Variants in CACNA2D1 observed in about 807,000 individuals in gnomAD.
The protein encoded by CACNA2D1 is calcium voltage-gated channel auxiliary subunit alpha2delta 1.
CACNA2D1 carries 53 observed loss-of-function variants against 171.5 expected under a neutral mutation model. The ratio of observed to expected loss-of-function variants is 0.31; its 90% confidence interval spans 0.25 to 0.39. CACNA2D1 has a LOEUF of 0.39. CACNA2D1 is among the 10% of genes least tolerant of loss of function. The probability of loss-of-function intolerance (pLI) is 1.00; values close to 1 mark genes in which losing one functional copy is unlikely to be tolerated. For synonymous variants in CACNA2D1, 442 were observed against 443.1 expected, an observed-to-expected ratio of 1.00 and a Z score of 0.03; for missense variants, 903 against 1,299.8, an observed-to-expected ratio of 0.69 and a Z score of 4.69.
At chr7:82,003,654 TTCTG>T (rs987805861) in intron 18 of CACNA2D1, among the ~76,000 whole-genome samples, 68 of 150,764 alleles carry the variant, frequency 4.5e-4, no homozygotes, top group African/African-American at 1.6e-3. Context: ...GTACTTATTC[TTCTG>T]TCTATGATAT....
chr7:82,033,356 G>T (rs900354609), intron 11 of CACNA2D1, among the ~76,000 whole-genome samples: 2 of 152,062 alleles, frequency 1.3e-5, no homozygotes, highest in South Asian at 2.1e-4. Flanking sequence ...ATAGAAGACT[G>T]CCTAGCACAT....
intron 38 of CACNA2D1, among the ~76,000 whole-genome samples, chr7:81,955,402 AT>A (rs1793115968): frequency 6.6e-6 from 1 of 152,046 alleles, no homozygotes; most frequent in African/African-American, 2.4e-5. Flanking sequence ...TTTTGTAATG[AT>A]TTTTTTCAAC....
intron 3 of CACNA2D1, among the ~76,000 whole-genome samples, chr7:82,298,335 T>C (rs1812558156): frequency 6.6e-6 from 1 of 152,188 alleles, no homozygotes; most frequent in South Asian, 2.1e-4. Context: ...CAGAGTGGCA[T>C]TATGAAGTCA....
At position 82,135,458 on chromosome 7, in the gene CACNA2D1, G is replaced by A. The variant is rs57340255; in HGVS notation, c.396+1177C>T. ...ACAAGAGGAAAGATGTCATGGGAAC[G>A]CCACCTATGTCTAGAGGAAAAAAAA... On this transcript the variant is annotated intron_variant, in intron 5 of 38. Coordinates refer to ENST00000356860, the MANE Select transcript of CACNA2D1 (RefSeq NM_000722.4). Among the ~76,000 whole-genome samples the A allele has an allele frequency of 9.9e-3, 1,500 of 151,912 alleles. 25 individuals carry two copies. The highest frequency in any genetic ancestry group is 0.034 in the African/African-American group (1,404 of 41,448).
intron 5 of CACNA2D1, among the ~76,000 whole-genome samples, chr7:82,122,523 G>A (rs1380520301): frequency 1.3e-5 from 2 of 152,202 alleles, no homozygotes. Flanking sequence ...AGTTGAGTAT[G>A]ATGGAAAAGA....
intron 5 of CACNA2D1, among the ~76,000 whole-genome samples, chr7:82,120,776 G>A (rs1789639724): frequency 6.6e-6 from 1 of 151,066 alleles, no homozygotes; most frequent in Non-Finnish European, 1.5e-5. Flanking sequence ...TCGGGAGGCT[G>A]AGGCAGGAGA....
chr7:82,259,514 T>C (rs1563271499), intron 3 of CACNA2D1, among the ~76,000 whole-genome samples: 1 of 152,198 alleles, frequency 6.6e-6, no homozygotes, highest in Non-Finnish European at 1.5e-5. Flanking sequence ...CACATTTGAG[T>C]TATTAGGGCT....
At chr7:82,153,587 T>A (rs59707600) in intron 4 of CACNA2D1, among the ~76,000 whole-genome samples, 10,945 of 152,094 alleles carry the variant, frequency 0.072, 399 homozygotes, top group Middle Eastern at 0.14. Flanking sequence ...AATCTCTAAC[T>A]ATATAATATA....
intron 3 of CACNA2D1, among the ~76,000 whole-genome samples, chr7:82,260,072 A>G (rs1009827242): frequency 1.3e-5 from 2 of 151,974 alleles, no homozygotes; most frequent in African/African-American, 4.8e-5. Context: ...AAATACACAA[A>G]TTAGCTTTGC....
At chr7:82,161,429 T>G (rs1455474476) in intron 4 of CACNA2D1, among the ~76,000 whole-genome samples, 1 of 152,030 alleles carries the variant, frequency 6.6e-6, no homozygotes, top group Non-Finnish European at 1.5e-5. Flanking sequence ...ATTAATAATC[T>G]CAAGATTATG....
chr7:82,037,235 T>C (rs1056018620), intron 11 of CACNA2D1, among the ~76,000 whole-genome samples: 2 of 152,142 alleles, frequency 1.3e-5, no homozygotes, highest in Admixed American at 6.5e-5. Context: ...TCCCAGCACA[T>C]TGGGAGGCCA....
chr7:81,980,696 A>G (rs1446877339), intron 24 of CACNA2D1, among the ~76,000 whole-genome samples: 1 of 152,154 alleles, frequency 6.6e-6, no homozygotes, highest in Non-Finnish European at 1.5e-5. Flanking sequence ...AGGCAAATGT[A>G]GTAGTTTAGG....
intron 10 of CACNA2D1, chr7:82,050,227 A>C (rs1356685655): frequency 4.5e-6 from 1 of 221,790 alleles, no homozygotes; most frequent in Non-Finnish European, 9.0e-6. Context: ...AGTTGGTGTT[A>C]AACAATCAAG....
intron 4 of CACNA2D1, among the ~76,000 whole-genome samples, chr7:82,142,281 C>A (rs147840907): frequency 6.6e-6 from 1 of 152,206 alleles, no homozygotes; most frequent in African/African-American, 2.4e-5. Flanking sequence ...TAATATAATA[C>A]TGCTGCTTAC....
chr7:82,122,475 C>A (rs1208006147), intron 5 of CACNA2D1, among the ~76,000 whole-genome samples: 1 of 152,052 alleles, frequency 6.6e-6, no homozygotes, highest in Non-Finnish European at 1.5e-5. Context: ...ATCACAAGAC[C>A]TAGCAGGGAG....
At chr7:82,315,244 T>A (rs1393888791) in intron 3 of CACNA2D1, among the ~76,000 whole-genome samples, 2 of 152,076 alleles carry the variant, frequency 1.3e-5, no homozygotes, top group African/African-American at 4.8e-5. Flanking sequence ...AGTGTAGAGA[T>A]ACAGTGCATC....
At chr7:81,991,082 G>C in intron 21 of CACNA2D1, 103 bp downstream of exon 21, 1 of 686,878 alleles carries the variant, frequency 1.5e-6, no homozygotes, top group South Asian at 1.7e-5. Flanking sequence ...TTTTCATGTT[G>C]GGAACTTTTC....
intron 4 of CACNA2D1, among the ~76,000 whole-genome samples, chr7:82,149,531 G>C (rs1793542228): frequency 6.6e-6 from 1 of 152,014 alleles, no homozygotes; most frequent in Non-Finnish European, 1.5e-5. Context: ...GGCTCAGGTA[G>C]TATCCACCCA....
intron 3 of CACNA2D1, among the ~76,000 whole-genome samples, chr7:82,200,528 G>A (rs570989165): frequency 1.3e-5 from 2 of 152,172 alleles, no homozygotes; most frequent in Admixed American, 6.5e-5. Flanking sequence ...AATGAAGAAG[G>A]AACATGAATT....
Sources: allele counts gnomAD v4.1 joint callset (sites outside exome capture counted in the v4.1 genomes callset), GRCh38; gene constraint gnomAD v4.1.1; transcripts MANE v1.5; gene names NCBI Gene and HGNC (gene_info 2026-07-23, HGNC 2026-07-21).